Variants in C12orf75 observed in about 807,000 individuals in gnomAD.
The protein encoded by C12orf75 is overexpressed in colon carcinoma 1 protein.
C12orf75 carries 4 observed loss-of-function variants against 11.4 expected under a neutral mutation model. That is an observed-to-expected ratio of 0.35 (90% CI 0.17 to 0.80). C12orf75 has a LOEUF of 0.80. C12orf75 is among the 30% of genes least tolerant of loss of function. The pLI is 0.52. For synonymous variants in C12orf75, 30 were observed against 30.0 expected (o/e 1.00, Z 0.00); for missense variants, 89 against 80.4 (o/e 1.11, Z -0.41).
chr12:105,347,713 C>G (rs1892656919), intron 1 of C12orf75, among the ~76,000 whole-genome samples: 1 of 152,236 alleles, frequency 6.6e-6, no homozygotes, highest in African/African-American at 2.4e-5. Context: ...CTCACAGACA[C>G]AGCCAGGAAT....
rs150352791 is a variant in C12orf75 at position 105,352,970 on chromosome 12, C to T, written c.71+4344C>T. Among the ~76,000 whole-genome samples the T allele has an allele frequency of 3.0e-4, 46 of 152,276 alleles. No homozygotes were observed. The East Asian group carries it at 8.3e-3, about 27-fold the overall frequency. On this transcript the variant is annotated intron_variant, in intron 2 of 5. Transcript: ENST00000443585. Reference sequence around the variant, plus strand: ...AACAAAACAAACAAAACAGTGAATTCAAGGTAATGACATTCGGCCGCTTTC... The same window carrying T: ...AACAAAACAAACAAAACAGTGAATTTAAGGTAATGACATTCGGCCGCTTTC...
intron 2 of C12orf75, among the ~76,000 whole-genome samples, chr12:105,354,681 G>C (rs1436289030): frequency 6.6e-6 from 1 of 150,862 alleles, no homozygotes; most frequent in Non-Finnish European, 1.5e-5. Flanking sequence ...CCTTGCTGTG[G>C]TTAGAAATCA....
At chr12:105,335,030 G>A (rs1409151112) in intron 1 of C12orf75, among the ~76,000 whole-genome samples, 3 of 152,172 alleles carry the variant, frequency 2.0e-5, no homozygotes, top group Non-Finnish European at 2.9e-5. Context: ...CATGATATTT[G>A]GTTAAATTGG....
chr12:105,334,751 C>T (rs771548727), intron 1 of C12orf75, among the ~76,000 whole-genome samples: 16 of 152,174 alleles, frequency 1.1e-4, no homozygotes, highest in East Asian at 1.9e-4. Flanking sequence ...GTTTTTCCCC[C>T]GAGCATGTCT....
intron 2 of C12orf75, chr12:105,353,522 G>A (rs899240371): frequency 1.1e-4 from 17 of 152,222 alleles, no homozygotes; most frequent in Middle Eastern, 3.4e-3. Flanking sequence ...TGGCCAAAGA[G>A]CAGAAGAGGG....
chr12:105,356,317 G>C (rs1892779662), intron 2 of C12orf75, among the ~76,000 whole-genome samples: 1 of 151,664 alleles, frequency 6.6e-6, no homozygotes, highest in African/African-American at 2.4e-5. Flanking sequence ...ATGGTAACTA[G>C]AAACAGATCA....
rs1457187287 is a variant in C12orf75 at position 105,371,272 on chromosome 12, A to T, written c.*672A>T. 1 of 152,310 alleles carries T rather than the reference A, an allele frequency of 6.6e-6. No individual in the cohort carries two copies. The highest frequency in any genetic ancestry group is 1.5e-5 in the Non-Finnish European group (1 of 68,110). The allele number at this position is 152,310 out of a possible 1,614,324, so 9.4% of individuals were successfully genotyped here. ...CATGCCATATGCACATTTTGATTACATTTTTATTTTCTTTCGTGAAAGGCA... is the reference window on the plus strand; with the variant it reads ...CATGCCATATGCACATTTTGATTACTTTTTTATTTTCTTTCGTGAAAGGCA... On this transcript the variant is annotated 3_prime_UTR_variant, in exon 6 of 6. Transcript: ENST00000443585.
At chr12:105,344,989 C>T (rs1238099694) in intron 1 of C12orf75, among the ~76,000 whole-genome samples, 1 of 140,488 alleles carries the variant, frequency 7.1e-6, no homozygotes, top group East Asian at 2.1e-4. Flanking sequence ...ATTAAATGGA[C>T]CCCTTCTCTT....
At chr12:105,342,148 C>T (rs965020021) in intron 1 of C12orf75, among the ~76,000 whole-genome samples, 2 of 152,212 alleles carry the variant, frequency 1.3e-5, no homozygotes, top group South Asian at 4.1e-4. Flanking sequence ...GTGCGTTCCC[C>T]AACATGTGTT....
At chr12:105,357,573 C>T (rs1013186427) in intron 2 of C12orf75, among the ~76,000 whole-genome samples, 1 of 152,068 alleles carries the variant, frequency 6.6e-6, no homozygotes, top group Non-Finnish European at 1.5e-5. Flanking sequence ...TTTCTGCAAA[C>T]AGTTTTATTA....
chr12:105,336,968 C>T lies in C12orf75; in HGVS notation c.46+6031C>T, dbSNP rs186916629. Among the ~76,000 whole-genome samples the T allele has an allele frequency of 1.4e-4, 21 of 152,220 alleles. No individual in the cohort carries two copies. The South Asian group carries it at 3.5e-3, about 26-fold the overall frequency. ...TCCCCAGAATTGATGGCATCCAAAG[C>T]GAGTGATTGATTTCTGCCATTGTCA... is the stretch of plus-strand genomic sequence containing the variant. On this transcript the variant is annotated intron_variant, in intron 1 of 5. Transcript: ENST00000443585.
In C12orf75 at chr12:105,330,945, C is replaced by CGGCGGGA. The variant is rs1283368282; in HGVS notation, c.46+15_46+21dup. On this transcript the variant is annotated intron_variant, in intron 1 of 5. Transcript: ENST00000443585. Reference sequence around the variant, plus strand: ...GCGCGGGCGCGGGCCAAGGTGAGTCCGGCGGGAGGCGGGGGCCGGCGGGGG... The same window carrying CGGCGGGA: ...GCGCGGGCGCGGGCCAAGGTGAGTCCGGCGGGAGGCGGGAGGCGGGGGCCGGCGGGGG... The CGGCGGGA allele has an allele frequency of 8.3e-7, 1 of 1,202,568 alleles. No homozygotes were observed. The highest frequency in any genetic ancestry group is 1.0e-6 in the Non-Finnish European group (1 of 961,878). The allele number at this position is 1,202,568 out of a possible 1,614,324, so 74.5% of individuals were successfully genotyped here.
chr12:105,344,642 A>T (rs1323785923), intron 1 of C12orf75, among the ~76,000 whole-genome samples: 1 of 151,650 alleles, frequency 6.6e-6, no homozygotes, highest in East Asian at 1.9e-4. Flanking sequence ...GCTACTCAGG[A>T]GGCTGAGGCA....
intron 1 of C12orf75, among the ~76,000 whole-genome samples, chr12:105,337,950 C>T (rs1892517118): frequency 6.6e-6 from 1 of 151,994 alleles, no homozygotes; most frequent in African/African-American, 2.4e-5. Flanking sequence ...GTTATCTTGG[C>T]TTCCATGTTA....
intron 2 of C12orf75, among the ~76,000 whole-genome samples, chr12:105,357,778 CTGTG>C (rs67643973): frequency 6.4e-4 from 88 of 137,326 alleles, no homozygotes; most frequent in South Asian, 9.9e-4. Flanking sequence ...AATGTATTTT[CTGTG>C]TGTGTGTGTG....
At chr12:105,337,433 G>C (rs1892510954) in intron 1 of C12orf75, among the ~76,000 whole-genome samples, 2 of 152,158 alleles carry the variant, frequency 1.3e-5, no homozygotes, top group Admixed American at 6.5e-5. Flanking sequence ...CTGTCTCTCT[G>C]AGAATTCGGA....
rs139198847 is a variant in C12orf75 at position 105,368,519 on chromosome 12, A to G, written c.*33+1010A>G. On this transcript the variant is annotated intron_variant, in intron 5 of 5. Transcript: ENST00000443585. ...TTGTTGTTAGGATTAAATATGAAATAAATGTTAGCATCTGCTATCATCATC... is the reference window on the plus strand; with the variant it reads ...TTGTTGTTAGGATTAAATATGAAATGAATGTTAGCATCTGCTATCATCATC... 2.5e-4 allele frequency among the ~76,000 whole-genome samples: 38 copies of G among 152,344 alleles called. No individual in the cohort carries two copies. In the East Asian group the frequency reaches 7.3e-3, roughly 29 times the overall value.
In C12orf75 at chr12:105,348,617, C is replaced by T. The variant is rs1337418501; in HGVS notation, c.62C>T (p.Ala21Val). 1 of 1,537,292 alleles carries T rather than the reference C, an allele frequency of 6.5e-7. No homozygotes were observed. The change falls in exon 2 of 6, where the codon GCC becomes GTC. Residue 21 changes from alanine to valine, a missense_variant. Physicochemically the swap from Ala to Val is moderately conservative, Grantham distance 64. Transcript: ENST00000443585. Reference sequence around the variant, plus strand: ...TTTTCTCTAGGCCCTGCAGGAGCAGCCAAAGATGTGTAAGTATTGAATATT... The same window carrying T: ...TTTTCTCTAGGCCCTGCAGGAGCAGTCAAAGATGTGTAAGTATTGAATATT... ...AGAGQGPAGA[A>V]KDVTEESVTE...
chr12:105,361,668 G>T (rs975419746), intron 2 of C12orf75, among the ~76,000 whole-genome samples: 5 of 152,126 alleles, frequency 3.3e-5, no homozygotes, highest in Admixed American at 3.3e-4. Flanking sequence ...TTATTGCTGT[G>T]TATTGACCCA....
Sources: gnomAD v4.1 joint callset for allele counts (sites outside exome capture counted in the v4.1 genomes callset) on GRCh38, gnomAD v4.1.1 for gene constraint, MANE v1.5 for transcripts, NCBI Gene and HGNC (gene_info 2026-07-23, HGNC 2026-07-21) for gene names.